The following AGTPBP1 variants were observed in gnomAD, a reference collection of about 807,000 sequenced individuals.
AGTPBP1 encodes the protein ATP/GTP binding carboxypeptidase 1, also known as cytosolic carboxypeptidase 1.
In AGTPBP1, 70 loss-of-function variants were observed where a neutral mutation model predicts 143.9. The ratio of observed to expected loss-of-function variants is 0.49; its 90% confidence interval spans 0.40 to 0.59. AGTPBP1 has a LOEUF of 0.59. Among genes scored for constraint, AGTPBP1 ranks in the 20% least tolerant of loss-of-function variants. AGTPBP1 has a pLI of 0.00. For synonymous variants in AGTPBP1, 463 were observed against 500.2 expected (o/e 0.93, Z 0.99); for missense variants, 1,229 against 1,464.5 (o/e 0.84, Z 2.62).
At chr9:85,760,141 G>A in the AGTPBP1 span, among the ~76,000 whole-genome samples, 2 of 151,982 alleles carry the variant, frequency 1.3e-5, no homozygotes, top group African/African-American at 2.4e-5. Flanking sequence ...CTTACCAACC[G>A]AAAAAAGTCC....
At chr9:85,761,987 A>C in the AGTPBP1 span, among the ~76,000 whole-genome samples, 4 of 152,262 alleles carry the variant, frequency 2.6e-5, no homozygotes, top group African/African-American at 9.6e-5. Context: ...TCTCAAAAGA[A>C]GACATTTATG....
At chr9:85,756,574 CAGAT>C in the AGTPBP1 span, among the ~76,000 whole-genome samples, 12 of 152,030 alleles carry the variant, frequency 7.9e-5, no homozygotes, top group African/African-American at 1.2e-4. Flanking sequence ...GAGAGATAGA[CAGAT>C]AGATAGATCT....
At chr9:85,688,500 T>C (rs557576758) in intron 3 of AGTPBP1, among the ~76,000 whole-genome samples, 1 of 152,220 alleles carries the variant, frequency 6.6e-6, no homozygotes, top group South Asian at 2.1e-4. Context: ...GGTTGAGAAC[T>C]AATAAGCTGA....
At chr9:85,646,063 A>T (rs1832789455) in intron 12 of AGTPBP1, among the ~76,000 whole-genome samples, 1 of 152,280 alleles carries the variant, frequency 6.6e-6, no homozygotes, top group Non-Finnish European at 1.5e-5. Context: ...AATTTTGTAG[A>T]TTTCAAAATC....
the AGTPBP1 span, among the ~76,000 whole-genome samples, chr9:85,753,729 G>A: frequency 6.6e-6 from 1 of 151,122 alleles, no homozygotes; most frequent in Non-Finnish European, 1.5e-5. Flanking sequence ...TCCAGCCTGG[G>A]CAACAAGAGC....
chr9:85,725,517 TC>T (rs1213293940), intron 1 of AGTPBP1, among the ~76,000 whole-genome samples: 1 of 152,058 alleles, frequency 6.6e-6, no homozygotes, highest in African/African-American at 2.4e-5. Flanking sequence ...CCTCTCCCTC[TC>T]AAATTACCTC....
intron 9 of AGTPBP1, among the ~76,000 whole-genome samples, 165 bp downstream of exon 9, chr9:85,660,771 A>T (rs1406483844): frequency 6.6e-6 from 1 of 152,156 alleles, no homozygotes; most frequent in Non-Finnish European, 1.5e-5. Flanking sequence ...GGTATTAGTT[A>T]TGATGCACAT....
chr9:85,679,606 T>C lies in AGTPBP1; in HGVS notation c.226-1208A>G, dbSNP rs1361614389. Among the ~76,000 whole-genome samples, 3 of 152,068 alleles carry C rather than the reference T, an allele frequency of 2.0e-5. No homozygotes were observed. In the East Asian group the frequency reaches 5.8e-4, roughly 29 times the overall value. ...TGTATTTTTAGTAAAGACAGGGTTT[T>C]ACCGTGTTAGCCAGGATGGTCTCAA... is the stretch of plus-strand genomic sequence containing the variant. On this transcript the variant is annotated intron_variant, in intron 4 of 25. Coordinates refer to ENST00000357081, the MANE Select transcript of AGTPBP1 (RefSeq NM_001330701.2).
intron 11 of AGTPBP1, among the ~76,000 whole-genome samples, chr9:85,649,735 C>T (rs1484364191): frequency 1.3e-5 from 2 of 152,090 alleles, no homozygotes. Context: ...AAAAATTTTT[C>T]TACACTGATA....
At chr9:85,778,368 G>A in the AGTPBP1 span, among the ~76,000 whole-genome samples, 3,311 of 143,844 alleles carry the variant, frequency 0.023, 37 homozygotes, top group South Asian at 0.04. Flanking sequence ...AGAAGATGGC[G>A]GGGCCTTGCT....
chr9:85,741,434 C>T, intron 1 of AGTPBP1: 1 of 985,232 alleles, frequency 1.0e-6, no homozygotes, highest in Non-Finnish European at 1.2e-6. Context: ...AGCTCGGGCC[C>T]GAGAGAAAGG....
intron 7 of AGTPBP1, among the ~76,000 whole-genome samples, chr9:85,672,164 A>G (rs1834524329): frequency 6.6e-6 from 1 of 151,662 alleles, no homozygotes. Context: ...TCCACTTCCC[A>G]GGTTCAAATG....
intron 3 of AGTPBP1, among the ~76,000 whole-genome samples, chr9:85,688,627 A>G (rs1835647535): frequency 6.6e-6 from 1 of 152,234 alleles, no homozygotes; most frequent in African/African-American, 2.4e-5. Flanking sequence ...ATGGGTCAAC[A>G]AATTAACCAT....
At chr9:85,553,011 A>G (rs1472682774) in intron 25 of AGTPBP1, among the ~76,000 whole-genome samples, 1 of 152,234 alleles carries the variant, frequency 6.6e-6, no homozygotes, top group Non-Finnish European at 1.5e-5. Flanking sequence ...TACAAATACC[A>G]GAAGATGTTT....
chr9:85,689,334 G>A (rs992644419), intron 3 of AGTPBP1, among the ~76,000 whole-genome samples: 3 of 152,098 alleles, frequency 2.0e-5, no homozygotes, highest in African/African-American at 7.2e-5. Flanking sequence ...TTCAATTTTG[G>A]AACCATCTGG....
chr9:85,548,680 TG>T (rs1315388247), intron 25 of AGTPBP1, among the ~76,000 whole-genome samples: 1,718 of 148,768 alleles, frequency 0.012, 36 homozygotes, highest in African/African-American at 0.041. Flanking sequence ...TTTTTGTTTT[TG>T]TTTTTGTTTT....
chr9:85,702,716 G>T (rs573944004), intron 2 of AGTPBP1, among the ~76,000 whole-genome samples: 4 of 149,016 alleles, frequency 2.7e-5, no homozygotes, highest in African/African-American at 5.0e-5. Flanking sequence ...AATTTTCCTC[G>T]ATTGGTAACT....
At chr9:85,743,804 G>A (rs887252553), upstream of AGTPBP1, among the ~76,000 whole-genome samples, 9 of 152,084 alleles carry the variant, frequency 5.9e-5, no homozygotes, top group Admixed American at 3.3e-4. Flanking sequence ...CTCTAGCATC[G>A]TGGGACCTTG....
At position 85,571,374 on chromosome 9, in the gene AGTPBP1, T is replaced by C. The variant is rs150306144; in HGVS notation, c.3503+3941A>G. 1.1e-3 allele frequency among the ~76,000 whole-genome samples: 173 copies of C among 152,056 alleles called. 5 individuals are homozygous for C. In the East Asian group the frequency reaches 0.029, roughly 26 times the overall value. Reference sequence around the variant, plus strand: ...ATCCGCAAAGAATGATGAGGAAATATAAAAAAACATAACAGAAGTTTGAAG... The same window carrying C: ...ATCCGCAAAGAATGATGAGGAAATACAAAAAAACATAACAGAAGTTTGAAG... On this transcript the variant is annotated intron_variant, in intron 25 of 25. Coordinates refer to ENST00000357081, the MANE Select transcript of AGTPBP1 (RefSeq NM_001330701.2).
Sources: allele counts gnomAD v4.1 joint callset (sites outside exome capture counted in the v4.1 genomes callset), GRCh38; gene constraint gnomAD v4.1.1; transcripts MANE v1.5; gene names NCBI Gene and HGNC (gene_info 2026-07-23, HGNC 2026-07-21).